Variants in INO80 observed in about 807,000 individuals in gnomAD.
INO80 encodes chromatin-remodeling ATPase INO80.
In INO80, 20 loss-of-function variants were observed where a neutral mutation model predicts 203.4. That is an observed-to-expected ratio of 0.10 (90% CI 0.07 to 0.14). The LOEUF is 0.14. Ranked by LOEUF, INO80 falls within the 10% of genes least tolerant of loss-of-function variation. INO80 has a pLI of 1.00. For synonymous variants in INO80, 726 were observed against 685.2 expected (o/e 1.06, Z -0.93); for missense variants, 1,419 against 1,914.4 (o/e 0.74, Z 4.83).
intron 27 of INO80, among the ~76,000 whole-genome samples, chr15:41,008,542 A>T (rs889641435): frequency 1.3e-5 from 2 of 152,230 alleles, no homozygotes; most frequent in Non-Finnish European, 2.9e-5. Flanking sequence ...TGTATCGTAT[A>T]TGTGAACTCT....
chr15:41,107,339 A>G (rs1187911202), intron 1 of INO80, among the ~76,000 whole-genome samples: 1 of 152,164 alleles, frequency 6.6e-6, no homozygotes, highest in Non-Finnish European at 1.5e-5. Context: ...CATCTCTACT[A>G]AAAATACAAA....
At chr15:41,097,350 C>G (rs1027834455) in intron 1 of INO80, among the ~76,000 whole-genome samples, 2 of 151,874 alleles carry the variant, frequency 1.3e-5, no homozygotes, top group Non-Finnish European at 2.9e-5. Flanking sequence ...CCAGCCTTCT[C>G]CCACCACTTT....
At chr15:41,046,986 G>C (rs2044779249) in intron 23 of INO80, among the ~76,000 whole-genome samples, 1 of 146,550 alleles carries the variant, frequency 6.8e-6, no homozygotes, top group Non-Finnish European at 1.5e-5. Flanking sequence ...TGCCTCAATT[G>C]ATCCAGGCTG....
At chr15:41,045,217 T>G in intron 23 of INO80, 142 bp from the exon 24 acceptor site, 2 of 591,416 alleles carry the variant, frequency 3.4e-6, no homozygotes, top group Non-Finnish European at 5.4e-6. Flanking sequence ...CCTACTTTCC[T>G]ACTTTCAGAT....
intron 7 of INO80, 85 bp downstream of exon 7, chr15:41,085,284 A>G: frequency 3.5e-6 from 4 of 1,137,996 alleles, no homozygotes; most frequent in Non-Finnish European, 5.2e-6. Context: ...TATCTGTGAA[A>G]GTATCTAGCT....
chr15:41,103,774 T>C (rs2045841367), intron 1 of INO80, among the ~76,000 whole-genome samples: 1 of 152,208 alleles, frequency 6.6e-6, no homozygotes, highest in African/African-American at 2.4e-5. Context: ...GCCTGAAATT[T>C]AAAGACCTTT....
At chr15:41,079,319 T>A (rs2045449024) in intron 9 of INO80, among the ~76,000 whole-genome samples, 1 of 152,096 alleles carries the variant, frequency 6.6e-6, no homozygotes, top group Non-Finnish European at 1.5e-5. Flanking sequence ...ACTTTCTTTC[T>A]CTTTTGCTCA....
At chr15:41,043,504 G>A (rs988040767) in intron 24 of INO80, among the ~76,000 whole-genome samples, 3 of 152,174 alleles carry the variant, frequency 2.0e-5, no homozygotes, top group African/African-American at 7.2e-5. Context: ...AAAATTACAT[G>A]AAGCAATGCT....
At chr15:41,025,541 C>A (rs149472336) in intron 25 of INO80, among the ~76,000 whole-genome samples, 1 of 152,130 alleles carries the variant, frequency 6.6e-6, no homozygotes, top group Non-Finnish European at 1.5e-5. Context: ...ATGGTGAAAC[C>A]CTGTCTCTAC....
intron 31 of INO80, among the ~76,000 whole-genome samples, chr15:40,986,001 T>C (rs902256959): frequency 3.9e-5 from 6 of 152,202 alleles, no homozygotes; most frequent in Non-Finnish European, 5.9e-5. Context: ...TGAGCATGGC[T>C]GTAGAGTTCT....
chr15:41,024,882 G>T (rs2044352902), intron 25 of INO80, among the ~76,000 whole-genome samples: 1 of 152,056 alleles, frequency 6.6e-6, no homozygotes, highest in Non-Finnish European at 1.5e-5. Context: ...ATATAATTAG[G>T]GTATCTCATG....
intron 9 of INO80, among the ~76,000 whole-genome samples, chr15:41,076,452 C>G (rs1280384678): frequency 6.7e-6 from 1 of 148,544 alleles, no homozygotes; most frequent in Non-Finnish European, 1.5e-5. Context: ...AATACACATA[C>G]ATGTGCAAAC....
intron 16 of INO80, 127 bp downstream of exon 16, chr15:41,058,512 A>G (rs1028483669): frequency 1.1e-6 from 1 of 913,506 alleles, no homozygotes; most frequent in East Asian, 3.0e-5. Context: ...AAAATTAAAT[A>G]AAACTTCTCA....
At chr15:41,023,803 GAAAC>G (rs2044334505) in intron 25 of INO80, among the ~76,000 whole-genome samples, 1 of 106,406 alleles carries the variant, frequency 9.4e-6, no homozygotes, top group African/African-American at 3.8e-5. Flanking sequence ...ACGAAAAAAA[GAAAC>G]AAAAAAAAAC....
chr15:41,089,432 T>G lies in INO80; in HGVS notation c.538-1750A>C, dbSNP rs1301847212. 7.2e-5 allele frequency among the ~76,000 whole-genome samples: 11 copies of G among 152,186 alleles called. No homozygotes were observed. In the South Asian group the frequency reaches 2.1e-3, roughly 29 times the overall value. On this transcript the variant is annotated intron_variant, in intron 5 of 35. Transcript: ENST00000648947. ...TCTTCAAATATACTATTGCTCATTA[T>G]GTACAACGTTCCACACTTGTAGAAA... is the stretch of plus-strand genomic sequence containing the variant.
rs199963026 is a variant in INO80 at position 41,087,606 on chromosome 15, A to G, written c.614T>C (p.Leu205Pro). 4 of 1,613,976 alleles carry G rather than the reference A, an allele frequency of 2.5e-6. No homozygotes were observed. The highest frequency in any genetic ancestry group is 2.2e-5 in the East Asian group (1 of 44,864). The change falls in exon 6 of 36, where the codon CTT (leucine) becomes CCT (proline). Residue 205 changes from leucine to proline, a missense_variant. By Grantham distance (98) the Leu-to-Pro change is moderately conservative (BLOSUM62 -3). Coordinates refer to ENST00000648947, the MANE Select transcript of INO80 (RefSeq NM_017553.3). ...CTTAAATTTCTTTTTCTTGGGTCCA[A>G]GTAGGTGCCGTTGTTGCTCATAGAA... ...DPFYEQQRHL[L>P]GPKKKKFKEE...
intron 1 of INO80, among the ~76,000 whole-genome samples, chr15:41,106,340 T>C (rs1014625336): frequency 7.1e-6 from 1 of 141,700 alleles, no homozygotes; most frequent in Non-Finnish European, 1.5e-5. Flanking sequence ...GCTGAGATCA[T>C]GCCACCACAC....
At chr15:41,008,725 C>T (rs2044088410) in intron 27 of INO80, among the ~76,000 whole-genome samples, 1 of 152,236 alleles carries the variant, frequency 6.6e-6, no homozygotes, top group South Asian at 2.1e-4. Flanking sequence ...CCCTTTGAAC[C>T]TTGCCATTCA....
Position 41,069,674 on chromosome 15 carries a change from G to A in INO80, c.1687-9C>T. On this transcript the variant is annotated splice_polypyrimidine_tract_variant and intron_variant, in intron 13 of 35. Transcript: ENST00000648947. ...CCCCAAATGTTCTCTCTCTGCAACAGAAAAACCCAGTCAGCCAACTACAGG... is the reference window on the plus strand; with the variant it reads ...CCCCAAATGTTCTCTCTCTGCAACAAAAAAACCCAGTCAGCCAACTACAGG... 6.5e-7 allele frequency: 1 copy of A among 1,540,242 alleles called. No individual in the cohort carries two copies. The highest frequency in any genetic ancestry group is 8.9e-7 in the Non-Finnish European group (1 of 1,122,848).
Sources: gnomAD v4.1 joint callset for allele counts (sites outside exome capture counted in the v4.1 genomes callset) on GRCh38, gnomAD v4.1.1 for gene constraint, MANE v1.5 for transcripts, NCBI Gene and HGNC (gene_info 2026-07-23, HGNC 2026-07-21) for gene names.